The following PCDH11X variants were observed in gnomAD, a reference collection of about 807,000 sequenced individuals.
PCDH11X encodes protocadherin 11 X-linked.
Under a neutral mutation model 53.3 loss-of-function variants are expected in PCDH11X, and 18 were observed. That is an observed-to-expected ratio of 0.34 (90% confidence interval 0.23 to 0.50). The LOEUF (loss-of-function observed/expected upper bound fraction) is 0.50. Ranked by LOEUF, PCDH11X falls within the 20% of genes least tolerant of loss-of-function variation. PCDH11X has a pLI of 0.98. For missense variants in PCDH11X, 570 were observed against 1,032.4 expected (o/e 0.55, Z 6.14); for synonymous variants, 279 against 393.3 (o/e 0.71, Z 3.44).
intron 10 of PCDH11X, among the ~76,000 whole-genome samples, chrX:92,612,465 G>A (rs985666083): frequency 9.0e-6 from 1 of 111,451 alleles, no homozygotes; most frequent in African/African-American, 3.3e-5. Context: ...TATTGTGACT[G>A]TGCTTCTTTG....
intron 6 of PCDH11X, among the ~76,000 whole-genome samples, chrX:92,150,920 G>T (rs2065420809): frequency 9.1e-6 from 1 of 110,333 alleles, no homozygotes; most frequent in African/African-American, 3.3e-5. Flanking sequence ...ATTGTTTTGT[G>T]GTTCCCCTGT....
chrX:92,602,240 A>G (rs1244355661), intron 10 of PCDH11X, among the ~76,000 whole-genome samples: 2 of 111,714 alleles, frequency 1.8e-5, no homozygotes, highest in Non-Finnish European at 3.8e-5. Context: ...GAGTTGTCAA[A>G]AACAGTGGAG....
At chrX:91,815,776 C>T (rs985806308) in intron 4 of PCDH11X, among the ~76,000 whole-genome samples, 5 of 106,685 alleles carry the variant, frequency 4.7e-5, no homozygotes, top group South Asian at 4.3e-4. Context: ...GACATGTTGA[C>T]GTGTTAATAT....
rs1256309793 is a variant in PCDH11X, at chrX:92,076,808, T to C, written c.3034-124567T>C. 2.3e-4 allele frequency among the ~76,000 whole-genome samples: 26 copies of C among 112,211 alleles called. No individual in the cohort carries two copies. In the Admixed American group the frequency reaches 2.5e-3, roughly 11 times the overall value. Reference sequence around the variant, plus strand: ...CTGGGCTTATTCAAAATTTCTAGATTCTCAGTTTTTATTTTCTGGCACCAA... The same window carrying C: ...CTGGGCTTATTCAAAATTTCTAGATCCTCAGTTTTTATTTTCTGGCACCAA... On this transcript the variant is annotated intron_variant, in intron 6 of 10. Coordinates refer to ENST00000682573, the MANE Select transcript of PCDH11X (RefSeq NM_032968.5).
intron 9 of PCDH11X, among the ~76,000 whole-genome samples, chrX:92,405,815 C>T (rs1253052051): frequency 9.0e-6 from 1 of 111,221 alleles, no homozygotes; most frequent in Admixed American, 9.5e-5. Flanking sequence ...TTTTTCTAGG[C>T]CGGGCGCAGT....
intron 8 of PCDH11X, among the ~76,000 whole-genome samples, chrX:92,278,740 A>T (rs751631260): frequency 9.2e-6 from 1 of 108,262 alleles, no homozygotes; most frequent in Admixed American, 9.9e-5. Context: ...ATCTGGTCAT[A>T]TCCGTGCAAG....
intron 10 of PCDH11X, among the ~76,000 whole-genome samples, chrX:92,586,435 A>G (rs752808954): frequency 9.2e-6 from 1 of 108,446 alleles, no homozygotes; most frequent in Non-Finnish European, 1.9e-5. Context: ...TTAACCTAAA[A>G]TACAATTATG....
chrX:92,452,791 C>T (rs2072826910), intron 9 of PCDH11X, among the ~76,000 whole-genome samples: 1 of 89,370 alleles, frequency 1.1e-5, no homozygotes, highest in East Asian at 3.3e-4. Context: ...GCCACCACCC[C>T]CAGCAAGTTT....
chrX:92,260,998 TA>T (rs1479321348), intron 7 of PCDH11X, among the ~76,000 whole-genome samples: 1 of 111,727 alleles, frequency 9.0e-6, no homozygotes, highest in Non-Finnish European at 1.9e-5. Flanking sequence ...AGTTTATAAA[TA>T]AGAGTATAAA....
At chrX:92,450,221 A>G (rs1194187870) in intron 9 of PCDH11X, among the ~76,000 whole-genome samples, 2 of 110,366 alleles carry the variant, frequency 1.8e-5, no homozygotes, top group Non-Finnish European at 3.8e-5. Context: ...GAACATCAAG[A>G]TTTTATTGGT....
chrX:91,810,843 A>G (rs1381034231), intron 3 of PCDH11X, among the ~76,000 whole-genome samples: 6 of 111,788 alleles, frequency 5.4e-5, no homozygotes, highest in Non-Finnish European at 9.4e-5. Flanking sequence ...TAAAACTTTG[A>G]ATCTATCCTG....
At chrX:91,989,114 C>T (rs1431604801) in intron 6 of PCDH11X, among the ~76,000 whole-genome samples, 2 of 110,605 alleles carry the variant, frequency 1.8e-5, no homozygotes, top group East Asian at 5.7e-4. Context: ...GTTTATCACA[C>T]ATCCTTCAGA....
At chrX:92,006,275 T>G in intron 6 of PCDH11X, among the ~76,000 whole-genome samples, 1 of 110,280 alleles carries the variant, frequency 9.1e-6, no homozygotes, top group South Asian at 3.9e-4. Flanking sequence ...CTTGATCCTA[T>G]AGGTGTGCTT....
intron 6 of PCDH11X, among the ~76,000 whole-genome samples, chrX:92,046,385 G>A (rs1432597243): frequency 9.0e-6 from 1 of 111,180 alleles, no homozygotes; most frequent in Non-Finnish European, 1.9e-5. Flanking sequence ...TATCACTGTG[G>A]CTTTAATATA....
chrX:91,781,648 C>CTG (rs749024043), intron 1 of PCDH11X, among the ~76,000 whole-genome samples: 2,905 of 108,747 alleles, frequency 0.027, 38 homozygotes, highest in Non-Finnish European at 0.04. Context: ...CTCTGTGGGT[C>CTG]TGTGTGTGTG....
intron 6 of PCDH11X, among the ~76,000 whole-genome samples, chrX:92,194,831 C>G (rs769488038): frequency 9.0e-6 from 1 of 111,074 alleles, no homozygotes; most frequent in East Asian, 2.9e-4. Flanking sequence ...AGATTTTGCA[C>G]TGTGAATATT....
At chrX:91,923,407 G>A (rs1473174522) in intron 6 of PCDH11X, among the ~76,000 whole-genome samples, 7 of 99,161 alleles carry the variant, frequency 7.1e-5, no homozygotes, top group African/African-American at 2.6e-4. Context: ...GCAGAGGAAG[G>A]TAGAGGGACT....
intron 6 of PCDH11X, among the ~76,000 whole-genome samples, chrX:91,999,102 A>T (rs1463758915): frequency 9.1e-6 from 1 of 109,319 alleles, no homozygotes; most frequent in Non-Finnish European, 1.9e-5. Context: ...TTTTGTAAAG[A>T]TGGAGCCTCA....
chrX:92,114,284 G>A (rs2064588744), intron 6 of PCDH11X: 1 of 880,498 alleles, frequency 1.1e-6, no homozygotes, highest in Non-Finnish European at 1.7e-6. Context: ...ATGGCTTGCT[G>A]CTGGATGGCA....
Sources: allele counts gnomAD v4.1 joint callset (sites outside exome capture counted in the v4.1 genomes callset), GRCh38; gene constraint gnomAD v4.1.1; transcripts MANE v1.5; gene names NCBI Gene and HGNC (gene_info 2026-07-23, HGNC 2026-07-21).